NCKAP5: variants seen among roughly 807,000 people sequenced by gnomAD.
NCKAP5 encodes the protein nck-associated protein 5.
A neutral mutation model predicts 167.0 loss-of-function variants in NCKAP5; 92 were observed. The observed-to-expected ratio is 0.55, with a 90% confidence interval of 0.47 to 0.66. The LOEUF (loss-of-function observed/expected upper bound fraction) is 0.66. Ranked by LOEUF, NCKAP5 falls within the 30% of genes least tolerant of loss-of-function variation. NCKAP5 has a pLI of 0.00. For missense variants in NCKAP5, 2,378 were observed against 2,315.0 expected (o/e 1.03, Z -0.56); for synonymous variants, 891 against 877.4 (o/e 1.02, Z -0.27).
the NCKAP5 span, among the ~76,000 whole-genome samples, chr2:133,648,898 G>A: frequency 6.8e-6 from 1 of 147,838 alleles, no homozygotes; most frequent in Non-Finnish European, 1.5e-5. Context: ...TAACAAAGAT[G>A]AGAGCAAAAA....
At chr2:133,585,264 G>A in the NCKAP5 span, among the ~76,000 whole-genome samples, 1 of 152,144 alleles carries the variant, frequency 6.6e-6, no homozygotes, top group Non-Finnish European at 1.5e-5. Flanking sequence ...TATGTCCTAG[G>A]ACACTTTTCA....
rs559282728 is a variant in NCKAP5, at chr2:132,981,066, T to C, written c.429+13086A>G. 4.6e-5 allele frequency among the ~76,000 whole-genome samples: 7 copies of C among 152,280 alleles called. 1 individual carries two copies. The South Asian group carries it at 1.4e-3, about 32-fold the overall frequency. On this transcript the variant is annotated intron_variant, in intron 7 of 19. Transcript: ENST00000409261. ...TAATTTAATGTGGAACAAAATTTAT[T>C]AGGGGCTGAGGTGGGAAACCTACCA...
intron 11 of NCKAP5, among the ~76,000 whole-genome samples, chr2:132,824,107 A>G (rs992817962): frequency 6.7e-6 from 1 of 149,234 alleles, no homozygotes; most frequent in Non-Finnish European, 1.5e-5. Flanking sequence ...AATAAGGAAT[A>G]TCTCAGGATT....
intron 3 of NCKAP5, among the ~76,000 whole-genome samples, chr2:133,452,886 C>T (rs982631450): frequency 6.6e-6 from 1 of 152,082 alleles, no homozygotes; most frequent in Non-Finnish European, 1.5e-5. Flanking sequence ...TTCACCACAC[C>T]CAAATTTAGT....
In NCKAP5 at chr2:133,213,747, T is replaced by A; in HGVS notation, c.176A>T (p.Glu59Val). Residue 59 changes from glutamate to valine, a missense_variant, in exon 5 of 20, where the codon GAA (glutamate) becomes GTA (valine). Around this residue, in one of 3 missense-constraint regions of NCKAP5, gnomAD observed 1,049 missense variants for 1,023.4 expected, o/e 1.02. Transcript: ENST00000409261. ...CCCCTCACTTGTTCTTTGGGCAACTTCTCGCTGTAGTCGGGCCACTGCCAA... is the reference window on the plus strand; with the variant it reads ...CCCCTCACTTGTTCTTTGGGCAACTACTCGCTGTAGTCGGGCCACTGCCAA... ...EKLAVARLQR[E>V]VAQRTSEGAM... The A allele has an allele frequency of 6.2e-7, 1 of 1,613,798 alleles. No homozygotes were observed.
intron 3 of NCKAP5, among the ~76,000 whole-genome samples, chr2:133,488,693 G>A (rs1368574043): frequency 1.3e-5 from 2 of 152,044 alleles, no homozygotes; most frequent in African/African-American, 2.4e-5. Context: ...GGAGGCTAAG[G>A]TGGGCGGATC....
chr2:133,540,953 A>AAAAAAAAAAAAAAAAAAAAAGG (rs1686181181), intron 2 of NCKAP5, among the ~76,000 whole-genome samples: 1 of 146,496 alleles, frequency 6.8e-6, no homozygotes, highest in Non-Finnish European at 1.5e-5. Context: ...AAAAAAAAAG[A>AAAAAAAAAAAAAAAAAAAAAGG]AAGAAAAAAA....
intron 6 of NCKAP5, among the ~76,000 whole-genome samples, chr2:133,029,227 A>G (rs2149416643): frequency 6.6e-6 from 1 of 152,302 alleles, no homozygotes; most frequent in African/African-American, 2.4e-5. Flanking sequence ...AATTTTTACT[A>G]CAGCAATGAG....
the NCKAP5 span, among the ~76,000 whole-genome samples, chr2:133,659,401 TAA>T: frequency 2.0e-5 from 3 of 152,074 alleles, no homozygotes; most frequent in Non-Finnish European, 4.4e-5. Flanking sequence ...AGAAGAAACA[TAA>T]GAGTATATCT....
chr2:132,784,402 T>C lies in NCKAP5; in HGVS notation c.2409A>G (p.Ile803Met), dbSNP rs766832025. The change falls in exon 14 of 20, where the codon ATA becomes ATG. Residue 803 changes from isoleucine to methionine, a missense_variant. Transcript: ENST00000409261. ...GIYQKQNLTKIPPRGKSSPQK... is the reference protein window; with the variant it reads ...GIYQKQNLTKMPPRGKSSPQK... ...GAGGTGAAGACTTGCCCCTGGGAGG[T>C]ATTTTTGTCAGATTTTGCTTTTGAT... 10 of 1,613,170 alleles carry C rather than the reference T, an allele frequency of 6.2e-6. No homozygotes were observed. Among genetic ancestry groups the C allele is most frequent in the Non-Finnish European group, 8.5e-6 (10 of 1,179,700 alleles).
At chr2:133,471,475 A>C (rs1055508832) in intron 3 of NCKAP5, among the ~76,000 whole-genome samples, 1 of 152,138 alleles carries the variant, frequency 6.6e-6, no homozygotes, top group African/African-American at 2.4e-5. Context: ...CTTTGCAAGG[A>C]ACCTAGTGCT....
At chr2:132,781,851 C>T (rs1683059513) in intron 14 of NCKAP5, 89 bp downstream of exon 14, 13 of 1,242,358 alleles carry the variant, frequency 1.0e-5, no homozygotes, top group Non-Finnish European at 1.3e-5. Context: ...ACATGCTTGA[C>T]TGGCCTTTAA....
intron 5 of NCKAP5, among the ~76,000 whole-genome samples, chr2:133,140,073 C>A (rs1459408841): frequency 6.6e-6 from 1 of 151,910 alleles, no homozygotes; most frequent in Non-Finnish European, 1.5e-5. Flanking sequence ...ATGACTCATT[C>A]TTCTCCCCTG....
At chr2:133,166,962 G>T (rs1326396870) in intron 5 of NCKAP5, among the ~76,000 whole-genome samples, 3 of 152,130 alleles carry the variant, frequency 2.0e-5, no homozygotes, top group Admixed American at 1.3e-4. Flanking sequence ...TAATGTCTTA[G>T]AATTAAGTAC....
chr2:132,682,789 G>C (rs2709548), intron 19 of NCKAP5, among the ~76,000 whole-genome samples: 70,028 of 151,934 alleles, frequency 0.46, 18,496 homozygotes, highest in East Asian at 0.67. Context: ...ATTTTTCATA[G>C]GTTAACTAGT....
At chr2:133,148,827 A>G (rs1312858174) in intron 5 of NCKAP5, among the ~76,000 whole-genome samples, 2 of 152,092 alleles carry the variant, frequency 1.3e-5, no homozygotes, top group Non-Finnish European at 2.9e-5. Context: ...TAAAGACCCA[A>G]TATCCAAATA....
chr2:132,677,017 A>C (rs1205513856), intron 19 of NCKAP5, among the ~76,000 whole-genome samples: 1 of 152,190 alleles, frequency 6.6e-6, no homozygotes, highest in Non-Finnish European at 1.5e-5. Flanking sequence ...TAAGGGAAGC[A>C]TCTGAAATAG....
chr2:133,542,273 A>G (rs1176438062), intron 2 of NCKAP5, among the ~76,000 whole-genome samples: 1 of 152,358 alleles, frequency 6.6e-6, no homozygotes, highest in Middle Eastern at 3.4e-3. Context: ...CGTACTAAGT[A>G]TAATTTAATG....
At chr2:133,615,806 A>G in the NCKAP5 span, among the ~76,000 whole-genome samples, 2 of 152,182 alleles carry the variant, frequency 1.3e-5, no homozygotes, top group Admixed American at 6.6e-5. Context: ...TGGAACTAAT[A>G]GACAACTACA....
Sources: allele counts gnomAD v4.1 joint callset (sites outside exome capture counted in the v4.1 genomes callset), GRCh38; gene constraint gnomAD v4.1.1; regional missense constraint gnomAD v4.1.1; transcripts MANE v1.5; gene names NCBI Gene and HGNC (gene_info 2026-07-23, HGNC 2026-07-21).